PARD3: variants seen among roughly 807,000 people sequenced by gnomAD.
PARD3 encodes par-3 family cell polarity regulator.
PARD3 carries 75 observed loss-of-function variants against 155.4 expected under a neutral mutation model. That is an observed-to-expected ratio of 0.48 (90% CI 0.40 to 0.58). The LOEUF is 0.58. Among genes scored for constraint, PARD3 ranks in the 20% least tolerant of loss-of-function variants. The pLI, the probability that PARD3 is intolerant of heterozygous loss-of-function variation, is 0.00. For synonymous variants in PARD3, 576 were observed against 610.5 expected (o/e 0.94, Z 0.83); for missense variants, 1,642 against 1,721.7 (o/e 0.95, Z 0.82).
chr10:34,666,899 G>A (rs1694521684), intron 2 of PARD3, among the ~76,000 whole-genome samples: 1 of 151,030 alleles, frequency 6.6e-6, no homozygotes, highest in Admixed American at 6.6e-5. Flanking sequence ...TGGGCACAGT[G>A]AGTCATGCCT....
chr10:34,242,826 T>G (rs1454466164), intron 22 of PARD3, among the ~76,000 whole-genome samples: 7 of 152,058 alleles, frequency 4.6e-5, no homozygotes, highest in Admixed American at 6.6e-5. Flanking sequence ...TCCCAGCTAC[T>G]CGGGAGGCTG....
Position 34,814,985 on chromosome 10 carries a change from G to A in PARD3, c.11C>T (p.Thr4Ile), listed in dbSNP as rs1199014260. 4 of 1,525,188 alleles carry A rather than the reference G, an allele frequency of 2.6e-6. No homozygotes were observed. Among genetic ancestry groups the A allele is most frequent in the Non-Finnish European group, 3.5e-6 (4 of 1,136,642 alleles). 94.5% of individuals were successfully genotyped at this position (1,525,188 alleles called of 1,614,324 possible). A position where few individuals can be genotyped will look rare whatever the true frequency, so the allele number is the denominator to read the frequency against. Reference sequence around the variant, plus strand: ...CACCCGGGTCCGTCCGAAGCACACGGTCACTTTCATGCCGCCGCCGCCGCG... The same window carrying A: ...CACCCGGGTCCGTCCGAAGCACACGATCACTTTCATGCCGCCGCCGCCGCG... MKV[T>I]VCFGRTRVVV... Residue 4 changes from threonine to isoleucine, a missense_variant, in exon 1 of 25, where the codon ACC becomes ATC. By Grantham distance (89) the Thr-to-Ile change is moderately conservative (BLOSUM62 -1). This residue lies in a region of PARD3 where 75 missense variants were observed against 65.3 expected (regional missense o/e 1.15). Coordinates refer to ENST00000374788, the MANE Select transcript of PARD3 (RefSeq NM_001184785.2).
rs140416612 is a variant in PARD3, at chr10:34,359,305, G to A, written c.1909C>T (p.Arg637Trp). Reference sequence around the variant, plus strand: ...ACTGCTATCAGTTGATCATTCACCCGAAGCCTTCCATCCTGGGAAGAAAAC... The same window carrying A: ...ACTGCTATCAGTTGATCATTCACCCAAAGCCTTCCATCCTGGGAAGAAAAC... ...GGAASKDGRL[R>W]VNDQLIAVNG... Residue 637 changes from arginine to tryptophan, a missense_variant, in exon 14 of 25, where the codon CGG becomes TGG. Transcript: ENST00000374788. The A allele has an allele frequency of 3.7e-6, 6 of 1,612,728 alleles. No homozygotes were observed. The East Asian group carries it at 6.7e-5, about 18-fold the overall frequency.
At chr10:34,268,673 C>T (rs1955460067) in intron 22 of PARD3, among the ~76,000 whole-genome samples, 1 of 151,878 alleles carries the variant, frequency 6.6e-6, no homozygotes, top group Non-Finnish European at 1.5e-5. Flanking sequence ...CAAACTATTG[C>T]AAGGACAGAA....
At chr10:34,672,215 TA>T (rs1249117219) in intron 2 of PARD3, among the ~76,000 whole-genome samples, 2 of 152,198 alleles carry the variant, frequency 1.3e-5, no homozygotes, top group African/African-American at 4.8e-5. Flanking sequence ...CATTAGTATT[TA>T]TGCATAATTT....
chr10:34,776,583 G>T (rs1355277096), intron 1 of PARD3, among the ~76,000 whole-genome samples: 1 of 151,124 alleles, frequency 6.6e-6, no homozygotes, highest in Non-Finnish European at 1.5e-5. Flanking sequence ...GCAGAGGAAG[G>T]ACAGCAAGGT....
intron 20 of PARD3, among the ~76,000 whole-genome samples, chr10:34,314,291 G>T (rs1475636946): frequency 1.3e-5 from 2 of 152,080 alleles, no homozygotes; most frequent in East Asian, 1.9e-4. Flanking sequence ...TAGTTTAAAA[G>T]AATGTTTTGA....
intron 22 of PARD3, among the ~76,000 whole-genome samples, chr10:34,228,470 A>G (rs1952741737): frequency 6.6e-6 from 1 of 152,172 alleles, no homozygotes; most frequent in East Asian, 1.9e-4. Context: ...TTCCATTTAT[A>G]TGAAATGTCT....
At chr10:34,328,272 A>G (rs564929100) in intron 19 of PARD3, among the ~76,000 whole-genome samples, 1 of 152,140 alleles carries the variant, frequency 6.6e-6, no homozygotes, top group Non-Finnish European at 1.5e-5. Context: ...ATTTAATTCT[A>G]TGATTTGCCA....
At chr10:34,228,763 T>A (rs1046408508) in intron 22 of PARD3, among the ~76,000 whole-genome samples, 2 of 152,010 alleles carry the variant, frequency 1.3e-5, no homozygotes, top group African/African-American at 4.8e-5. Flanking sequence ...ATTACTTAAA[T>A]GAAAAAACAG....
chr10:34,501,944 A>G (rs1250749199), intron 3 of PARD3, among the ~76,000 whole-genome samples: 1 of 152,144 alleles, frequency 6.6e-6, no homozygotes, highest in Non-Finnish European at 1.5e-5. Flanking sequence ...CTGTGTCCTC[A>G]TGACTTGGAT....
At chr10:34,533,886 C>G (rs909410225) in intron 2 of PARD3, among the ~76,000 whole-genome samples, 1 of 152,162 alleles carries the variant, frequency 6.6e-6, no homozygotes, top group Admixed American at 6.5e-5. Flanking sequence ...CCCTAAACAT[C>G]TACATCCACT....
chr10:34,665,089 T>A (rs562941822), intron 2 of PARD3, among the ~76,000 whole-genome samples: 1 of 151,792 alleles, frequency 6.6e-6, no homozygotes, highest in African/African-American at 2.4e-5. Context: ...AATTACAAAG[T>A]TTTTTTTAAA....
intron 22 of PARD3, among the ~76,000 whole-genome samples, chr10:34,206,044 G>T (rs532721431): frequency 6.6e-4 from 101 of 152,240 alleles, no homozygotes; most frequent in Admixed American, 2.1e-3. Flanking sequence ...CCAGAGAAAA[G>T]CAGATCCACA....
intron 1 of PARD3, among the ~76,000 whole-genome samples, chr10:34,790,932 C>G (rs1027160169): frequency 6.6e-6 from 1 of 152,190 alleles, no homozygotes; most frequent in East Asian, 1.9e-4. Flanking sequence ...GCCTCCTACA[C>G]GCATGCACAG....
At chr10:34,626,285 G>A (rs1250792302) in intron 2 of PARD3, among the ~76,000 whole-genome samples, 1 of 152,184 alleles carries the variant, frequency 6.6e-6, no homozygotes, top group African/African-American at 2.4e-5. Flanking sequence ...GGAGTGGAAT[G>A]GAAGGTACAC....
intron 22 of PARD3, among the ~76,000 whole-genome samples, chr10:34,247,655 C>A (rs916651170): frequency 4.6e-5 from 7 of 151,884 alleles, no homozygotes; most frequent in Non-Finnish European, 1.0e-4. Context: ...ATGAAAGATA[C>A]AAATATTTTG....
At chr10:34,250,513 C>T (rs1663805979) in intron 22 of PARD3, among the ~76,000 whole-genome samples, 1 of 152,110 alleles carries the variant, frequency 6.6e-6, no homozygotes, top group Non-Finnish European at 1.5e-5. Context: ...GGGCATTTAG[C>T]TACCCTTGGG....
At chr10:34,282,327 T>C (rs1589044658) in intron 21 of PARD3, among the ~76,000 whole-genome samples, 2 of 152,270 alleles carry the variant, frequency 1.3e-5, no homozygotes, top group Non-Finnish European at 1.5e-5. Flanking sequence ...CTCCTGTACA[T>C]TGTAAATTCA....
Sources: gnomAD v4.1 joint callset for allele counts (sites outside exome capture counted in the v4.1 genomes callset) on GRCh38, gnomAD v4.1.1 for gene constraint, gnomAD v4.1.1 regional missense constraint, MANE v1.5 for transcripts, NCBI Gene and HGNC (gene_info 2026-07-23, HGNC 2026-07-21) for gene names.